The following ZBTB38 variants were observed in gnomAD, a reference collection of about 807,000 sequenced individuals.
The protein encoded by ZBTB38 is zinc finger and BTB domain-containing protein 38.
Under a neutral mutation model 76.8 loss-of-function variants are expected in ZBTB38, and 20 were observed. The ratio of observed to expected loss-of-function variants is 0.26; its 90% CI spans 0.18 to 0.38. The LOEUF is 0.38. Among genes scored for constraint, ZBTB38 ranks in the 10% least tolerant of loss-of-function variants. The pLI is 1.00. For missense variants in ZBTB38, 1,082 were observed against 1,482.3 expected, an observed-to-expected ratio of 0.73 and a Z score of 4.43; for synonymous variants, 504 against 544.2, an observed-to-expected ratio of 0.93 and a Z score of 1.03.
At chr3:141,440,373 T>TA (rs760033225) in intron 5 of ZBTB38, among the ~76,000 whole-genome samples, 1 of 152,222 alleles carries the variant, frequency 6.6e-6, no homozygotes, top group Non-Finnish European at 1.5e-5. Context: ...TGGATCCTTG[T>TA]ATAAAGGACA....
intron 5 of ZBTB38, among the ~76,000 whole-genome samples, chr3:141,422,295 T>C (rs999097105): frequency 1.3e-5 from 2 of 152,156 alleles, no homozygotes; most frequent in Non-Finnish European, 2.9e-5. Context: ...TTTCTCCTCC[T>C]GCATCCTGCC....
At chr3:141,351,104 C>T (rs72988318) in intron 1 of ZBTB38, among the ~76,000 whole-genome samples, 15,912 of 152,144 alleles carry the variant, frequency 0.1, 2,675 homozygotes, top group African/African-American at 0.36. Context: ...AAGATTATCA[C>T]ACAGGGTAGG....
chr3:141,338,743 G>C (rs2148899034), intron 1 of ZBTB38, among the ~76,000 whole-genome samples: 1 of 152,210 alleles, frequency 6.6e-6, no homozygotes, highest in South Asian at 2.1e-4. Context: ...AAACCCCTGT[G>C]ACATGCAATT....
At chr3:141,362,767 G>A (rs1461442025) in intron 1 of ZBTB38, among the ~76,000 whole-genome samples, 2 of 152,076 alleles carry the variant, frequency 1.3e-5, no homozygotes, top group African/African-American at 2.4e-5. Context: ...GATAGGAGGG[G>A]AAAAGGATGC....
intron 1 of ZBTB38, among the ~76,000 whole-genome samples, chr3:141,325,481 C>A (rs1311782366): frequency 1.3e-5 from 2 of 152,172 alleles, no homozygotes; most frequent in Non-Finnish European, 2.9e-5. Flanking sequence ...TGTACAGAGT[C>A]AGGCTGTTAA....
At chr3:141,365,432 G>C (rs573613850), upstream of ZBTB38, among the ~76,000 whole-genome samples, 3 of 152,168 alleles carry the variant, frequency 2.0e-5, no homozygotes, top group South Asian at 6.2e-4. Flanking sequence ...TGGCAAGGTG[G>C]CTGAGAGTGC....
intron 3 of ZBTB38, chr3:141,385,840 G>A (rs1946948821): frequency 6.6e-6 from 1 of 152,168 alleles, no homozygotes; most frequent in Admixed American, 6.5e-5. Flanking sequence ...ATCTTGAGCA[G>A]TGGGGGTAGG....
At chr3:141,353,118 C>T (rs1441913120) in intron 1 of ZBTB38, among the ~76,000 whole-genome samples, 1 of 152,094 alleles carries the variant, frequency 6.6e-6, no homozygotes, top group Non-Finnish European at 1.5e-5. Flanking sequence ...AGACAAGAGT[C>T]CCTTCGTCCC....
At chr3:141,398,475 A>G (rs1338168570) in intron 4 of ZBTB38, among the ~76,000 whole-genome samples, 1 of 152,198 alleles carries the variant, frequency 6.6e-6, no homozygotes, top group Non-Finnish European at 1.5e-5. Context: ...TTGTCTACTT[A>G]ACATCCTAGC....
Position 141,443,182 on chromosome 3 carries a change from A to G in ZBTB38, c.794A>G (p.Lys265Arg), listed in dbSNP as rs2080602200. Residue 265 changes from lysine to arginine, a missense_variant, in exon 6 of 6, where the codon AAG becomes AGG. Around this residue, in one of 8 missense-constraint regions of ZBTB38, gnomAD observed 324 missense variants for 359.1 expected, o/e 0.90. Transcript: ENST00000321464. The surrounding 1 kb of genome is among the most constrained non-coding windows in gnomAD (Gnocchi z 5.6). Reference protein sequence around the residue: ...ALAAKPKTCRKPKTFSIPQDS... With the variant: ...ALAAKPKTCRRPKTFSIPQDS... Reference sequence around the variant, plus strand: ...GCAGCGAAACCGAAAACATGCCGGAAGCCAAAGACATTCTCCATACCACAG... The same window carrying G: ...GCAGCGAAACCGAAAACATGCCGGAGGCCAAAGACATTCTCCATACCACAG... The G allele has an allele frequency of 6.2e-7, 1 of 1,614,132 alleles. No individual in the cohort carries two copies. The highest frequency in any genetic ancestry group is 1.3e-5 in the African/African-American group (1 of 74,940).
intron 1 of ZBTB38, among the ~76,000 whole-genome samples, chr3:141,331,509 G>C (rs1942851408): frequency 6.6e-6 from 1 of 152,158 alleles, no homozygotes; most frequent in South Asian, 2.1e-4. Flanking sequence ...GTTTATGCCT[G>C]CTTCAAGAAT....
At chr3:141,350,122 T>C (rs1460857016) in intron 1 of ZBTB38, among the ~76,000 whole-genome samples, 2 of 152,090 alleles carry the variant, frequency 1.3e-5, no homozygotes, top group Admixed American at 6.5e-5. Context: ...TATTGAGAAA[T>C]AGAAGACATT....
chr3:141,363,961 G>C (rs1943888026), upstream of ZBTB38, among the ~76,000 whole-genome samples: 1 of 152,168 alleles, frequency 6.6e-6, no homozygotes, highest in African/African-American at 2.4e-5. Flanking sequence ...AGTGATGAAA[G>C]AGAAGATTGA....
At chr3:141,325,466 T>C (rs973815614) in intron 1 of ZBTB38, among the ~76,000 whole-genome samples, 2 of 152,198 alleles carry the variant, frequency 1.3e-5, no homozygotes, top group African/African-American at 4.8e-5. Context: ...TAATTAAACA[T>C]AGTTTGTACA....
intron 1 of ZBTB38, among the ~76,000 whole-genome samples, chr3:141,341,749 C>T (rs972345054): frequency 1.3e-5 from 2 of 152,168 alleles, no homozygotes; most frequent in Non-Finnish European, 2.9e-5. Context: ...CAGTGAAAAC[C>T]AAGACACAGC....
At chr3:141,414,996 C>G (rs1253301753) in intron 5 of ZBTB38, among the ~76,000 whole-genome samples, 1 of 151,980 alleles carries the variant, frequency 6.6e-6, no homozygotes, top group East Asian at 1.9e-4. Flanking sequence ...GTCTTTGACG[C>G]ACATAGCACA....
intron 5 of ZBTB38, among the ~76,000 whole-genome samples, chr3:141,419,467 T>G (rs943013421): frequency 6.6e-6 from 1 of 152,198 alleles, no homozygotes; most frequent in Non-Finnish European, 1.5e-5. Context: ...TTGCTAATGT[T>G]TAGAATCACA....
chr3:141,342,119 G>A (rs1172532143), intron 1 of ZBTB38, among the ~76,000 whole-genome samples: 3 of 152,194 alleles, frequency 2.0e-5, no homozygotes, highest in African/African-American at 7.2e-5. Context: ...GAGTTCAGGA[G>A]ATCGAGACTA....
intron 1 of ZBTB38, among the ~76,000 whole-genome samples, chr3:141,342,756 G>A (rs890651752): frequency 1.4e-5 from 2 of 139,430 alleles, no homozygotes; most frequent in Non-Finnish European, 3.0e-5. Flanking sequence ...TTAATGCACA[G>A]ATCTGGGTTT....
Sources: gnomAD v4.1 joint callset for allele counts (sites outside exome capture counted in the v4.1 genomes callset) on GRCh38, gnomAD v4.1.1 for gene constraint, gnomAD v4.1.1 regional missense constraint, Gnocchi (gnomAD v3.1) non-coding constraint, MANE v1.5 for transcripts, NCBI Gene and HGNC (gene_info 2026-07-23, HGNC 2026-07-21) for gene names.